The following DEF8 variants were observed in gnomAD, a reference collection of about 807,000 sequenced individuals.
The protein encoded by DEF8 is DEF-8.
In DEF8, 38 loss-of-function variants were observed where a neutral mutation model predicts 59.1. The ratio of observed to expected loss-of-function variants is 0.64; its 90% CI spans 0.50 to 0.84. DEF8 has a LOEUF of 0.84. Ranked by LOEUF, DEF8 falls within the 40% of genes least tolerant of loss-of-function variation. The pLI, the probability that DEF8 is intolerant of heterozygous loss-of-function variation, is 0.00. For synonymous variants in DEF8, 265 were observed against 250.1 expected, an observed-to-expected ratio of 1.06 and a Z score of -0.56; for missense variants, 557 against 615.2, an observed-to-expected ratio of 0.91 and a Z score of 1.00.
Position 89,962,137 on chromosome 16 carries a change from G to A in DEF8, c.921+12G>A, listed in dbSNP as rs537257464. The stretch of plus-strand genomic sequence containing the variant: ...TGGTGGAGATTCGCGTGAGGCTGGG[G>A]CCATGGAAGTGGGGGGCGGGGGCGC... On this transcript the variant is annotated intron_variant, in intron 9 of 12. Coordinates refer to ENST00000563594, the MANE Select transcript of DEF8 (RefSeq NM_001242818.2). 3 of 1,610,856 alleles carry A rather than the reference G, an allele frequency of 1.9e-6. No homozygotes were observed. Among genetic ancestry groups the A allele is most frequent in the African/African-American group, 2.7e-5 (2 of 74,942 alleles).
At chr16:89,962,535 T>TA (rs1193132701) in intron 9 of DEF8, among the ~76,000 whole-genome samples, 2 of 151,992 alleles carry the variant, frequency 1.3e-5, no homozygotes, top group African/African-American at 2.4e-5. Flanking sequence ...TGTGTGCCTG[T>TA]ATCCCAGCTA....
intron 10 of DEF8, chr16:89,963,846 TGCTG>T: frequency 4.0e-6 from 2 of 505,970 alleles, no homozygotes. Flanking sequence ...ATACGTTGTG[TGCTG>T]GGGTGGTGAA....
chr16:89,960,343 A>G (rs1232951540), intron 6 of DEF8, among the ~76,000 whole-genome samples: 1 of 151,898 alleles, frequency 6.6e-6, no homozygotes. Flanking sequence ...ACGGAATGTA[A>G]CAGATTAGAA....
At chr16:89,951,160 C>T (rs1402338162) in intron 2 of DEF8, among the ~76,000 whole-genome samples, 1 of 152,170 alleles carries the variant, frequency 6.6e-6, no homozygotes, top group African/African-American at 2.4e-5. Context: ...TATCCACTTA[C>T]CCAAGGTCAC....
intron 6 of DEF8, 156 bp downstream of exon 6, chr16:89,959,311 T>C: frequency 1.3e-6 from 2 of 1,488,254 alleles, no homozygotes; most frequent in Non-Finnish European, 9.0e-7. Flanking sequence ...TTCCTCGTTG[T>C]ACTGTCTACA....
intron 3 of DEF8, among the ~76,000 whole-genome samples, 158 bp from the exon 4 acceptor site, chr16:89,955,011 G>A (rs1014155218): frequency 6.6e-6 from 1 of 152,122 alleles, no homozygotes; most frequent in Non-Finnish European, 1.5e-5. Flanking sequence ...CAGACTGGAC[G>A]GTGTGCAGAT....
At chr16:89,950,520 C>G (rs983842704) in intron 2 of DEF8, among the ~76,000 whole-genome samples, 5 of 152,016 alleles carry the variant, frequency 3.3e-5, no homozygotes, top group African/African-American at 1.2e-4. Flanking sequence ...TCCCAAGTAG[C>G]TGGATTACAG....
intron 1 of DEF8, among the ~76,000 whole-genome samples, chr16:89,949,184 C>T (rs1312843418): frequency 6.6e-6 from 1 of 151,376 alleles, no homozygotes; most frequent in African/African-American, 2.4e-5. Context: ...CGCCCCACCC[C>T]GGGGACGCCG....
intron 4 of DEF8, 32 bp downstream of exon 4, chr16:89,955,298 C>A (rs767692781): frequency 6.3e-7 from 1 of 1,581,330 alleles, no homozygotes; most frequent in Non-Finnish European, 8.7e-7. Flanking sequence ...GGGAGAGGGA[C>A]TGAGGGAACC....
intron 12 of DEF8, among the ~76,000 whole-genome samples, chr16:89,965,423 G>A (rs1478991256): frequency 6.6e-6 from 1 of 152,242 alleles, no homozygotes; most frequent in African/African-American, 2.4e-5. Flanking sequence ...ACTCGCTCGA[G>A]CTAGTCGTTT....
intron 12 of DEF8, 30 bp downstream of exon 12, chr16:89,964,605 G>C: frequency 1.3e-6 from 2 of 1,520,238 alleles, no homozygotes; most frequent in Non-Finnish European, 1.8e-6. Flanking sequence ...CGCACTCGGG[G>C]GCTGGGGCTC....
chr16:89,963,222 T>G (rs944504271), intron 9 of DEF8, 141 bp from the exon 10 acceptor site: 4 of 618,194 alleles, frequency 6.5e-6, no homozygotes, highest in African/African-American at 1.9e-5. Context: ...TGATTTTGGG[T>G]TTTGGTGAAG....
At chr16:89,965,136 T>C (rs1257863759) in intron 12 of DEF8, among the ~76,000 whole-genome samples, 1 of 152,212 alleles carries the variant, frequency 6.6e-6, no homozygotes, top group Non-Finnish European at 1.5e-5. Context: ...ATCCTAAAGA[T>C]TGAGTGGCTC....
intron 1 of DEF8, among the ~76,000 whole-genome samples, chr16:89,949,146 C>A (rs922983635): frequency 3.3e-5 from 5 of 149,676 alleles, no homozygotes; most frequent in African/African-American, 1.2e-4. Flanking sequence ...GGGCGGCCCG[C>A]CCGGCGCAGG....
At position 89,966,011 on chromosome 16, in the gene DEF8, C is replaced by A; in HGVS notation, c.*48C>A. ...CCCCGCCTGGCCCGCCAGGACCCACCCTGCCAACATCAAGTTGTTCCTTCT... is the reference window on the plus strand; with the variant it reads ...CCCCGCCTGGCCCGCCAGGACCCACACTGCCAACATCAAGTTGTTCCTTCT... On this transcript the variant is annotated 3_prime_UTR_variant, in exon 13 of 13. Transcript: ENST00000563594. 2 of 1,434,030 alleles carry A rather than the reference C, an allele frequency of 1.4e-6. No individual in the cohort carries two copies. The highest frequency in any genetic ancestry group is 9.7e-7 in the Non-Finnish European group (1 of 1,027,280). The allele number at this position is 1,434,030 out of a possible 1,614,324, so 88.8% of individuals were successfully genotyped here.
At chr16:89,963,522 G>C (rs9927077) in intron 10 of DEF8, 79 bp downstream of exon 10, 6 of 1,287,362 alleles carry the variant, frequency 4.7e-6, no homozygotes, top group Non-Finnish European at 6.6e-6. Flanking sequence ...GGTTTTTTCC[G>C]GACAGCTTGT....
Position 89,965,990 on chromosome 16 carries a change from G to A in DEF8, c.*27G>A, listed in dbSNP as rs371475673. The A allele has an allele frequency of 7.7e-6, 12 of 1,561,624 alleles. No homozygotes were observed. In the African/African-American group the frequency reaches 9.5e-5, roughly 12 times the overall value. On this transcript the variant is annotated 3_prime_UTR_variant, in exon 13 of 13. Coordinates refer to ENST00000563594, the MANE Select transcript of DEF8 (RefSeq NM_001242818.2). Reference sequence around the variant, plus strand: ...GCCGAGGAACAGTGCTGGGCACCCCGCCTGGCCCGCCAGGACCCACCCTGC... The same window carrying A: ...GCCGAGGAACAGTGCTGGGCACCCCACCTGGCCCGCCAGGACCCACCCTGC...
intron 5 of DEF8, among the ~76,000 whole-genome samples, chr16:89,958,717 G>A (rs560711717): frequency 3.7e-4 from 56 of 152,342 alleles, no homozygotes; most frequent in African/African-American, 1.3e-3. Context: ...CAGAGAGGCC[G>A]GGTCGCTCCC....
In DEF8 at chr16:89,962,102, G is replaced by A. The variant is rs989264457; in HGVS notation, c.898G>A (p.Val300Met). Residue 300 changes from valine to methionine, a missense_variant, in exon 9 of 13, where the codon GTG (valine) becomes ATG (methionine). Physicochemically the swap from Val to Met is conservative, Grantham distance 21. Transcript: ENST00000563594. ...GATCAACCCTCTGCTGTTCAGCTAC[G>A]TGGAGGAGCTGGTGGAGATTCGCGT... The part of the protein sequence containing the change: ...REINPLLFSY[V>M]EELVEIRKLR... 5 of 1,613,842 alleles carry A rather than the reference G, an allele frequency of 3.1e-6. No individual in the cohort carries two copies. Among genetic ancestry groups the A allele is most frequent in the Middle Eastern group, 1.6e-4 (1 of 6,084 alleles).
Sources: gnomAD v4.1 joint callset for allele counts (sites outside exome capture counted in the v4.1 genomes callset) on GRCh38, gnomAD v4.1.1 for gene constraint, MANE v1.5 for transcripts, NCBI Gene and HGNC (gene_info 2026-07-23, HGNC 2026-07-21) for gene names.